The following NEGR1 variants were observed in gnomAD, a reference collection of about 807,000 sequenced individuals.
NEGR1 encodes IgLON family member 4.
In NEGR1, 10 loss-of-function variants were observed where a neutral mutation model predicts 40.9. The ratio of observed to expected loss-of-function variants is 0.24; its 90% CI spans 0.15 to 0.42. The LOEUF is 0.42. Ranked by LOEUF, NEGR1 falls within the 10% of genes least tolerant of loss-of-function variation. The pLI is 1.00. For synonymous variants in NEGR1, 185 were observed against 166.8 expected, an observed-to-expected ratio of 1.11 and a Z score of -0.84; for missense variants, 352 against 438.9, an observed-to-expected ratio of 0.80 and a Z score of 1.77.
chr1:72,046,236 A>C (rs997400516), intron 1 of NEGR1, among the ~76,000 whole-genome samples: 6 of 151,732 alleles, frequency 4.0e-5, no homozygotes, highest in African/African-American at 1.4e-4. Context: ...GTAAATATTG[A>C]AACCTTAGAA....
At chr1:72,070,785 T>C (rs1647429678) in intron 1 of NEGR1, among the ~76,000 whole-genome samples, 2 of 152,062 alleles carry the variant, frequency 1.3e-5, no homozygotes, top group East Asian at 1.9e-4. Context: ...CTACTAACTA[T>C]ATTAAACAAA....
intron 4 of NEGR1, among the ~76,000 whole-genome samples, chr1:71,690,619 C>CAGAGAGAGAG (rs59019409): frequency 0.064 from 4,310 of 67,412 alleles, 394 homozygotes; most frequent in Non-Finnish European, 0.082. Flanking sequence ...TAGAGGGAGA[C>CAGAGAGAGAG]AGAGAGAGAG....
At chr1:71,851,837 C>A (rs1033806737) in intron 2 of NEGR1, among the ~76,000 whole-genome samples, 1 of 151,978 alleles carries the variant, frequency 6.6e-6, no homozygotes, top group Non-Finnish European at 1.5e-5. Context: ...TGGATTTATA[C>A]TCTAAGTTTA....
intron 3 of NEGR1, among the ~76,000 whole-genome samples, chr1:71,716,006 G>A (rs911539336): frequency 7.9e-5 from 12 of 152,070 alleles, no homozygotes; most frequent in African/African-American, 2.2e-4. Context: ...AAGAAATACC[G>A]AAGACTGGGA....
At chr1:72,052,812 T>A (rs1416560669) in intron 1 of NEGR1, among the ~76,000 whole-genome samples, 1 of 151,458 alleles carries the variant, frequency 6.6e-6, no homozygotes, top group Non-Finnish European at 1.5e-5. Flanking sequence ...TTACATAGAC[T>A]TTATGAACAA....
chr1:71,417,721 T>C (rs575351826), intron 6 of NEGR1, among the ~76,000 whole-genome samples: 167 of 152,264 alleles, frequency 1.1e-3, no homozygotes, highest in African/African-American at 3.7e-3. Context: ...TCCCTTCTAG[T>C]GTTATGATAA....
intron 2 of NEGR1, among the ~76,000 whole-genome samples, chr1:71,914,919 G>A (rs146865742): frequency 2.0e-5 from 3 of 152,190 alleles, no homozygotes; most frequent in African/African-American, 7.2e-5. Flanking sequence ...TTTTAACTAA[G>A]TGGATTTCTT....
At chr1:71,733,271 A>G (rs1314055832) in intron 3 of NEGR1, among the ~76,000 whole-genome samples, 1 of 152,124 alleles carries the variant, frequency 6.6e-6, no homozygotes, top group Non-Finnish European at 1.5e-5. Context: ...CTTTACAGAA[A>G]TGATAAGAAT....
At chr1:71,469,977 G>C (rs1169045504) in intron 6 of NEGR1, among the ~76,000 whole-genome samples, 1 of 152,058 alleles carries the variant, frequency 6.6e-6, no homozygotes, top group Non-Finnish European at 1.5e-5. Context: ...TTTTTAAACT[G>C]AAAAGTAAAG....
At chr1:71,776,857 C>T (rs1488449488) in intron 2 of NEGR1, among the ~76,000 whole-genome samples, 2 of 152,002 alleles carry the variant, frequency 1.3e-5, no homozygotes, top group African/African-American at 4.8e-5. Context: ...TTCTAAGGAA[C>T]ACAAATTCTA....
intron 2 of NEGR1, among the ~76,000 whole-genome samples, chr1:71,902,577 T>G (rs953272705): frequency 4.5e-4 from 68 of 152,290 alleles, no homozygotes; most frequent in African/African-American, 1.6e-3. Context: ...TTCGGCGCCA[T>G]TTAGTATTCA....
intron 1 of NEGR1, among the ~76,000 whole-genome samples, chr1:72,094,098 C>T (rs999344338): frequency 1.3e-5 from 2 of 152,038 alleles, no homozygotes; most frequent in Admixed American, 1.3e-4. Context: ...TCAGACATGG[C>T]CTTACATAGT....
chr1:71,771,699 CAAAAAAAAAAA>C (rs60830449), intron 3 of NEGR1, among the ~76,000 whole-genome samples: 2 of 12,098 alleles, frequency 1.7e-4, no homozygotes, highest in East Asian at 3.6e-3. Flanking sequence ...GACTTAGTCT[CAAAAAAAAAAA>C]AAAAAAAAAA....
intron 6 of NEGR1, among the ~76,000 whole-genome samples, chr1:71,567,872 G>T (rs907633563): frequency 1.3e-5 from 2 of 151,298 alleles, no homozygotes; most frequent in African/African-American, 2.4e-5. Context: ...GGGAATTTTC[G>T]CAGCCTTTTT....
At chr1:71,942,457 A>ATATATATATATATATATATC (rs1451925457) in intron 1 of NEGR1, among the ~76,000 whole-genome samples, 25 of 5,532 alleles carry the variant, frequency 4.5e-3, no homozygotes, top group African/African-American at 0.011. Flanking sequence ...CTTTAAATCT[A>ATATATATATATATATATATC]TATATATATA....
At chr1:71,535,396 T>A (rs987569358) in intron 6 of NEGR1, among the ~76,000 whole-genome samples, 7 of 151,732 alleles carry the variant, frequency 4.6e-5, no homozygotes, top group Admixed American at 1.3e-4. Context: ...AGCTCTTCTT[T>A]GTACTTGCTT....
At chr1:72,176,385 A>G (rs1223082248) in intron 1 of NEGR1, among the ~76,000 whole-genome samples, 1 of 152,064 alleles carries the variant, frequency 6.6e-6, no homozygotes, top group African/African-American at 2.4e-5. Context: ...GAGATACACA[A>G]TCTTAAGACT....
chr1:71,625,978 T>C (rs557260201), intron 4 of NEGR1, among the ~76,000 whole-genome samples: 9 of 152,050 alleles, frequency 5.9e-5, no homozygotes, highest in East Asian at 1.9e-4. Context: ...CATATTCTAA[T>C]AGGAGTGTGA....
chr1:71,785,843 C>G (rs550767761), intron 2 of NEGR1, among the ~76,000 whole-genome samples: 1 of 152,228 alleles, frequency 6.6e-6, no homozygotes, highest in African/African-American at 2.4e-5. Flanking sequence ...TAATGTAACA[C>G]CTGGCTCCTG....
Sources: allele counts gnomAD v4.1 joint callset (sites outside exome capture counted in the v4.1 genomes callset), GRCh38; gene constraint gnomAD v4.1.1; transcripts MANE v1.5; gene names NCBI Gene and HGNC (gene_info 2026-07-23, HGNC 2026-07-21).